The following EPHA6 variants were observed in gnomAD, a reference collection of about 807,000 sequenced individuals.
The protein encoded by EPHA6 is ephrin type-A receptor 6.
Under a neutral mutation model 112.0 loss-of-function variants are expected in EPHA6, and 50 were observed. The ratio of observed to expected loss-of-function variants is 0.45; its 90% CI spans 0.36 to 0.56. EPHA6 has a LOEUF of 0.56. EPHA6 is among the 20% of genes least tolerant of loss of function. The pLI, the probability that EPHA6 is intolerant of heterozygous loss-of-function variation, is 0.00. For missense variants in EPHA6, 1,280 were observed against 1,417.4 expected, an observed-to-expected ratio of 0.90 and a Z score of 1.56; for synonymous variants, 529 against 490.7, an observed-to-expected ratio of 1.08 and a Z score of -1.03.
chr3:97,463,536 GA>G (rs1296228763), intron 7 of EPHA6, among the ~76,000 whole-genome samples: 6 of 152,128 alleles, frequency 3.9e-5, no homozygotes. Context: ...AGCAGCCAGA[GA>G]ATAGAAAAGT....
chr3:97,208,435 C>T (rs1318374314), intron 3 of EPHA6, among the ~76,000 whole-genome samples: 2 of 152,244 alleles, frequency 1.3e-5, no homozygotes, highest in East Asian at 3.9e-4. Flanking sequence ...TCAGGCACTA[C>T]AGCTGGACTG....
At chr3:97,207,369 G>T (rs575275790) in intron 3 of EPHA6, among the ~76,000 whole-genome samples, 1 of 152,106 alleles carries the variant, frequency 6.6e-6, no homozygotes, top group African/African-American at 2.4e-5. Context: ...ATTCTCACAA[G>T]TGCCCATACT....
At chr3:96,984,617 C>T (rs1326039291) in intron 2 of EPHA6, among the ~76,000 whole-genome samples, 2 of 152,180 alleles carry the variant, frequency 1.3e-5, no homozygotes, top group East Asian at 1.9e-4. Context: ...GAGGTTTCTG[C>T]TGTCTTTTGT....
intron 11 of EPHA6, among the ~76,000 whole-genome samples, chr3:97,581,931 A>G (rs758446055): frequency 3.3e-5 from 5 of 152,264 alleles, no homozygotes; most frequent in Non-Finnish European, 7.3e-5. Context: ...GAAGGAGTGA[A>G]CAACACATTC....
Position 97,207,574 on chromosome 3 carries a change from C to G in EPHA6, c.1115-18690C>G, listed in dbSNP as rs539811153. 2.0e-5 allele frequency among the ~76,000 whole-genome samples: 3 copies of G among 152,138 alleles called. 1 individual carries two copies. In the East Asian group the frequency reaches 5.8e-4, roughly 30 times the overall value. ...TTCCAATTTATGGAAATTTGATATG[C>G]ATATGTATAAAATTGATTAACTGGA... On this transcript the variant is annotated intron_variant, in intron 3 of 17. Transcript: ENST00000389672.
In EPHA6 at chr3:97,073,876, GA is replaced by G. The variant is rs565634995; in HGVS notation, c.1114+85884del. On this transcript the variant is annotated intron_variant, in intron 3 of 17. Coordinates refer to ENST00000389672, the MANE Select transcript of EPHA6 (RefSeq NM_001080448.3). ...AAATATGTATGCTAGCTTCAACAGGGACAATCACTATCTCACTATTGGGATA... is the reference window on the plus strand; with the variant it reads ...AAATATGTATGCTAGCTTCAACAGGGCAATCACTATCTCACTATTGGGATA... Among the ~76,000 whole-genome samples, 10 of 152,002 alleles carry G rather than the reference GA, an allele frequency of 6.6e-5. No individual in the cohort carries two copies. The South Asian group carries it at 1.9e-3, about 28-fold the overall frequency.
At chr3:97,449,541 C>A (rs183021608) in intron 7 of EPHA6, among the ~76,000 whole-genome samples, 38 of 152,006 alleles carry the variant, frequency 2.5e-4, no homozygotes, top group African/African-American at 8.7e-4. Context: ...TTTATTGAGA[C>A]CCTAAAAATG....
intron 5 of EPHA6, among the ~76,000 whole-genome samples, chr3:97,277,347 TGGGG>T (rs1433809845): frequency 6.6e-6 from 1 of 151,120 alleles, no homozygotes; most frequent in East Asian, 2.0e-4. Flanking sequence ...AGGTGCTCAG[TGGGG>T]GAGCTTTTGA....
intron 3 of EPHA6, among the ~76,000 whole-genome samples, chr3:97,223,208 CAAAG>C (rs1266489975): frequency 1.3e-5 from 2 of 152,062 alleles, no homozygotes; most frequent in East Asian, 3.9e-4. Context: ...GAAAACAAAA[CAAAG>C]AAAAATATCT....
chr3:97,323,557 G>T (rs1274381270), intron 5 of EPHA6, among the ~76,000 whole-genome samples: 1 of 151,628 alleles, frequency 6.6e-6, no homozygotes, highest in African/African-American at 2.4e-5. Context: ...AGTTTAAAAA[G>T]GAAAACACTA....
chr3:97,091,754 G>GA (rs1359924286), intron 3 of EPHA6, among the ~76,000 whole-genome samples: 1 of 152,110 alleles, frequency 6.6e-6, no homozygotes. Flanking sequence ...ATTATTATAT[G>GA]AATGTATTTA....
chr3:96,840,413 G>T (rs77727596), intron 1 of EPHA6, among the ~76,000 whole-genome samples: 381 of 152,112 alleles, frequency 2.5e-3, no homozygotes, highest in African/African-American at 8.7e-3. Flanking sequence ...CACAGGTGCC[G>T]TTGTTTTCAT....
rs533908246 is a variant in EPHA6 at position 97,632,163 on chromosome 3, T to C, written c.2575-5710T>C. ...TGCAGAGAATCTCCTATAGTAAATA[T>C]GACTTTTCATTAAAAATACATCAAG... On this transcript the variant is annotated intron_variant, in intron 13 of 17. Coordinates refer to ENST00000389672, the MANE Select transcript of EPHA6 (RefSeq NM_001080448.3). Among the ~76,000 whole-genome samples the C allele has an allele frequency of 3.9e-5, 6 of 152,194 alleles. No individual in the cohort carries two copies. In the East Asian group the frequency reaches 7.8e-4, roughly 20 times the overall value.
chr3:97,326,367 C>A (rs1475632184), intron 5 of EPHA6, among the ~76,000 whole-genome samples: 1 of 151,438 alleles, frequency 6.6e-6, no homozygotes, highest in East Asian at 1.9e-4. Flanking sequence ...AATCAGCTAC[C>A]CTTTATTCTT....
In EPHA6 at chr3:97,360,861, A is replaced by G. The variant is rs542800425; in HGVS notation, c.1607-44289A>G. On this transcript the variant is annotated intron_variant, in intron 5 of 17. Transcript: ENST00000389672. Reference sequence around the variant, plus strand: ...ACATTTATTTTGCTTGTCAACTTTTACTATCTCCCCTCATGCATTCTATGA... The same window carrying G: ...ACATTTATTTTGCTTGTCAACTTTTGCTATCTCCCCTCATGCATTCTATGA... Among the ~76,000 whole-genome samples the G allele has an allele frequency of 3.3e-5, 5 of 152,288 alleles. No homozygotes were observed. The East Asian group carries it at 9.7e-4, about 29-fold the overall frequency.
chr3:96,842,432 G>A (rs572597232), intron 1 of EPHA6, among the ~76,000 whole-genome samples: 1 of 152,084 alleles, frequency 6.6e-6, no homozygotes, highest in South Asian at 2.1e-4. Flanking sequence ...AAAATACAAA[G>A]TGATGTTCCT....
At chr3:96,972,923 A>T (rs1238162832) in intron 2 of EPHA6, among the ~76,000 whole-genome samples, 1 of 152,200 alleles carries the variant, frequency 6.6e-6, no homozygotes, top group African/African-American at 2.4e-5. Flanking sequence ...TGAGAGATTT[A>T]TGTAAGAACT....
At chr3:97,100,542 G>A (rs1370000235) in intron 3 of EPHA6, among the ~76,000 whole-genome samples, 1 of 151,824 alleles carries the variant, frequency 6.6e-6, no homozygotes, top group Non-Finnish European at 1.5e-5. Context: ...TAGCTCTTTA[G>A]TACTAAGACT....
At chr3:96,827,038 G>T (rs756648450) in intron 1 of EPHA6, among the ~76,000 whole-genome samples, 1 of 152,208 alleles carries the variant, frequency 6.6e-6, no homozygotes, top group African/African-American at 2.4e-5. Flanking sequence ...GAAGAAGAGT[G>T]TTTGACACCT....
Sources: gnomAD v4.1 joint callset for allele counts (sites outside exome capture counted in the v4.1 genomes callset) on GRCh38, gnomAD v4.1.1 for gene constraint, MANE v1.5 for transcripts, NCBI Gene and HGNC (gene_info 2026-07-23, HGNC 2026-07-21) for gene names.